ZNF483: variants seen among roughly 807,000 people sequenced by gnomAD.
ZNF483 encodes zinc finger protein HIT-10.
Under a neutral mutation model 28.6 loss-of-function variants are expected in ZNF483, and 9 were observed. That is an observed-to-expected ratio of 0.32 (90% CI 0.19 to 0.55). The LOEUF is 0.55. Ranked by LOEUF, ZNF483 falls within the 20% of genes least tolerant of loss-of-function variation. The probability of loss-of-function intolerance (pLI) is 0.93; values close to 1 mark genes in which losing one functional copy is unlikely to be tolerated. For synonymous variants in ZNF483, 322 were observed against 306.2 expected, an observed-to-expected ratio of 1.05 and a Z score of -0.54; for missense variants, 675 against 871.7, an observed-to-expected ratio of 0.77 and a Z score of 2.84.
intron 5 of ZNF483, among the ~76,000 whole-genome samples, chr9:111,538,105 A>G (rs553574017): frequency 2.6e-5 from 4 of 151,420 alleles, no homozygotes; most frequent in East Asian, 1.9e-4. Context: ...TTAAAAATAC[A>G]TGACATACAT....
intron 3 of ZNF483, among the ~76,000 whole-genome samples, chr9:111,532,047 G>A (rs1333279110): frequency 2.0e-5 from 3 of 152,206 alleles, no homozygotes; most frequent in Non-Finnish European, 4.4e-5. Context: ...AGTGGATCAT[G>A]CCTGTAATCC....
chr9:111,530,756 AATATATATATATATATATATATATATAT>A lies in ZNF483; in HGVS notation c.413-101_413-74del, dbSNP rs60541488. 2.1e-4 allele frequency: 15 copies of A among 70,576 alleles called. 3 individuals are homozygous for A. The highest frequency in any genetic ancestry group is 7.3e-4 in the East Asian group (2 of 2,758). 4.4% of individuals were successfully genotyped at this position (70,576 alleles called of 1,614,324 possible). On this transcript the variant is annotated intron_variant, in intron 2 of 5. Transcript: ENST00000309235. ...GTTTTTTTCCTGTTTATCACTTAGA[AATATATATATATATATATATATATATAT>A]ATATATATATATATATACATATATA...
intron 2 of ZNF483, among the ~76,000 whole-genome samples, 158 bp from the exon 3 acceptor site, chr9:111,530,717 G>C (rs1357751692): frequency 7.2e-6 from 1 of 138,396 alleles, no homozygotes; most frequent in Admixed American, 7.4e-5. Flanking sequence ...AGTATAGTAG[G>C]AGAAACTGAC....
chr9:111,562,929 T>G, intron 5 of ZNF483: 1 of 1,381,390 alleles, frequency 7.2e-7, no homozygotes, highest in Non-Finnish European at 9.4e-7. Flanking sequence ...AGGTGACTGG[T>G]TGTTGTTGAC....
intron 5 of ZNF483, among the ~76,000 whole-genome samples, chr9:111,569,215 C>T (rs1828703401): frequency 6.6e-6 from 1 of 152,074 alleles, no homozygotes; most frequent in African/African-American, 2.4e-5. Flanking sequence ...CCCAGACGAG[C>T]TAACTAAGGG....
chr9:111,539,132 A>C (rs1206660240), intron 5 of ZNF483, among the ~76,000 whole-genome samples: 3 of 150,538 alleles, frequency 2.0e-5, no homozygotes, highest in Admixed American at 6.6e-5. Context: ...AAAAAAAAAA[A>C]AAAAAACCTC....
At chr9:111,561,924 T>C (rs1304822054) in intron 5 of ZNF483, among the ~76,000 whole-genome samples, 2 of 150,410 alleles carry the variant, frequency 1.3e-5, no homozygotes, top group Non-Finnish European at 3.0e-5. Flanking sequence ...TTGCTCTTGT[T>C]GCCCAGGCTG....
intron 5 of ZNF483, among the ~76,000 whole-genome samples, chr9:111,561,237 C>T (rs1349845770): frequency 6.8e-6 from 1 of 146,190 alleles, no homozygotes; most frequent in East Asian, 2.0e-4. Context: ...TTCAAGTCTT[C>T]TTTTGTGTTC....
intron 5 of ZNF483, chr9:111,564,163 C>T (rs927910588): frequency 4.4e-6 from 4 of 901,682 alleles, no homozygotes; most frequent in South Asian, 3.7e-5. Context: ...TTACCTGATA[C>T]AAGTTTTTCG....
At chr9:111,569,508 T>C (rs1477522326) in intron 5 of ZNF483, among the ~76,000 whole-genome samples, 2 of 152,200 alleles carry the variant, frequency 1.3e-5, no homozygotes, top group African/African-American at 4.8e-5. Context: ...CCAGGTGCGG[T>C]GGCTCACAAC....
chr9:111,543,962 T>G lies in ZNF483; in HGVS notation c.*792T>G. Reference sequence around the variant, plus strand: ...CTAGCTTAGTGAGAATGCAGTATACTTTTTGAAAACTTCGTGCAGGAATCC... The same window carrying G: ...CTAGCTTAGTGAGAATGCAGTATACGTTTTGAAAACTTCGTGCAGGAATCC... On this transcript the variant is annotated 3_prime_UTR_variant, in exon 6 of 6. Transcript: ENST00000309235. 3 of 985,344 alleles carry G rather than the reference T, an allele frequency of 3.0e-6. No individual in the cohort carries two copies. Among genetic ancestry groups the G allele is most frequent in the Non-Finnish European group, 3.6e-6 (3 of 829,926 alleles). 61.0% of individuals were successfully genotyped at this position (985,344 alleles called of 1,614,324 possible). A position where few individuals can be genotyped will look rare whatever the true frequency, so the allele number is the denominator to read the frequency against.
intron 5 of ZNF483, among the ~76,000 whole-genome samples, chr9:111,571,904 C>T (rs1044479782): frequency 3.3e-5 from 5 of 152,184 alleles, no homozygotes; most frequent in African/African-American, 9.7e-5. Flanking sequence ...CACAGCTCTC[C>T]TGCAGCCTGT....
chr9:111,529,345 G>A (rs891832835), intron 2 of ZNF483, among the ~76,000 whole-genome samples: 8 of 152,216 alleles, frequency 5.3e-5, no homozygotes, highest in African/African-American at 9.6e-5. Context: ...GTTGACATCC[G>A]AGGGTTTTTA....
At chr9:111,532,802 G>C (rs912096518) in intron 3 of ZNF483, among the ~76,000 whole-genome samples, 3 of 152,028 alleles carry the variant, frequency 2.0e-5, no homozygotes, top group Non-Finnish European at 4.4e-5. Context: ...CCAGCTACTT[G>C]AGAGGCTGAG....
chr9:111,552,896 C>G lies in ZNF483; in HGVS notation c.*9726C>G, dbSNP rs1280007857. 6.6e-6 allele frequency among the ~76,000 whole-genome samples: 1 copy of G among 152,056 alleles called. No individual in the cohort carries two copies. The highest frequency in any genetic ancestry group is 1.5e-5 in the Non-Finnish European group (1 of 67,984). On this transcript the variant is annotated 3_prime_UTR_variant, in exon 6 of 6. Transcript: ENST00000309235. ...TGACGTTTTCAGTTTTCATGAATGT[C>G]TTTTAAGGTCTTTTCCTCATAATTT...
At position 111,554,603 on chromosome 9, in the gene ZNF483, AC is replaced by A. The variant is rs1445142987; in HGVS notation, c.*11434del. On this transcript the variant is annotated 3_prime_UTR_variant, in exon 6 of 6. Coordinates refer to ENST00000309235, the MANE Select transcript of ZNF483 (RefSeq NM_133464.5). ...GATAACCCAAGAAGGCTACTAAGTG[AC>A]TAACAGACAGGTAGTGTAGATGACA... Among the ~76,000 whole-genome samples the A allele has an allele frequency of 1.3e-5, 2 of 152,212 alleles. No individual in the cohort carries two copies. Among genetic ancestry groups the A allele is most frequent in the African/African-American group, 2.4e-5 (1 of 41,456 alleles).
At position 111,553,601 on chromosome 9, in the gene ZNF483, C is replaced by T. The variant is rs969758859; in HGVS notation, c.*10431C>T. 6.6e-6 allele frequency among the ~76,000 whole-genome samples: 1 copy of T among 152,114 alleles called. No homozygotes were observed. The highest frequency in any genetic ancestry group is 1.5e-5 in the Non-Finnish European group (1 of 68,012). ...CTGTTGATACTGACTAGATTGGTGA[C>T]GTGTTTATGTGTAACACTAGTGATA... On this transcript the variant is annotated 3_prime_UTR_variant, in exon 6 of 6. Transcript: ENST00000309235.
rs1394709188 is a variant in ZNF483, at chr9:111,547,205, G to A, written c.*4035G>A. 6.6e-6 allele frequency among the ~76,000 whole-genome samples: 1 copy of A among 152,066 alleles called. No homozygotes were observed. The highest frequency in any genetic ancestry group is 2.4e-5 in the African/African-American group (1 of 41,412). On this transcript the variant is annotated 3_prime_UTR_variant, in exon 6 of 6. Coordinates refer to ENST00000309235, the MANE Select transcript of ZNF483 (RefSeq NM_133464.5). ...TAGAAATAGAATTGCTGGATCTTAT[G>A]ATGATTCTATATTTAACTTCTTGAG...
downstream of ZNF483, among the ~76,000 whole-genome samples, chr9:111,558,185 G>A (rs182962006): frequency 4.6e-5 from 7 of 152,236 alleles, no homozygotes; most frequent in Admixed American, 3.9e-4. Context: ...TCCTCATCAA[G>A]TTTTCAGTGT....
Sources: allele counts gnomAD v4.1 joint callset (sites outside exome capture counted in the v4.1 genomes callset), GRCh38; gene constraint gnomAD v4.1.1; transcripts MANE v1.5; gene names NCBI Gene and HGNC (gene_info 2026-07-23, HGNC 2026-07-21).